Variants in PPARGC1A observed in about 807,000 individuals in gnomAD.
The protein encoded by PPARGC1A is PPARG coactivator 1 alpha.
In PPARGC1A, 25 loss-of-function variants were observed where a neutral mutation model predicts 88.7. That is an observed-to-expected ratio of 0.28 (90% CI 0.21 to 0.39). PPARGC1A has a LOEUF of 0.39. PPARGC1A is among the 10% of genes least tolerant of loss of function. PPARGC1A has a pLI of 1.00. For synonymous variants in PPARGC1A, 363 were observed against 355.6 expected (o/e 1.02, Z -0.24); for missense variants, 880 against 968.7 (o/e 0.91, Z 1.22).
chr4:23,853,266 G>A (rs2148672951), intron 2 of PPARGC1A, among the ~76,000 whole-genome samples: 1 of 152,100 alleles, frequency 6.6e-6, no homozygotes, highest in South Asian at 2.1e-4. Flanking sequence ...TTTTAAAGGG[G>A]GAAAAGTGAG....
the PPARGC1A span, among the ~76,000 whole-genome samples, chr4:24,196,719 G>A: frequency 6.6e-6 from 1 of 152,172 alleles, no homozygotes; most frequent in Non-Finnish European, 1.5e-5. Flanking sequence ...TTCATTTGAT[G>A]GGAATCCTAG....
At chr4:24,280,144 TC>T in the PPARGC1A span, among the ~76,000 whole-genome samples, 1 of 152,226 alleles carries the variant, frequency 6.6e-6, no homozygotes, top group East Asian at 1.9e-4. Flanking sequence ...AGTGGAAGCG[TC>T]CCTTCTCATA....
At chr4:23,915,007 C>A in the PPARGC1A span, among the ~76,000 whole-genome samples, 1 of 152,170 alleles carries the variant, frequency 6.6e-6, no homozygotes, top group African/African-American at 2.4e-5. Context: ...CCACATCCAT[C>A]AACATTCATG....
chr4:23,947,082 C>T, the PPARGC1A span, among the ~76,000 whole-genome samples: 1 of 151,810 alleles, frequency 6.6e-6, no homozygotes, highest in Non-Finnish European at 1.5e-5. Flanking sequence ...TATCTACTGT[C>T]CCCCCACTGG....
the PPARGC1A span, among the ~76,000 whole-genome samples, chr4:24,333,208 C>T: frequency 1.3e-5 from 2 of 152,010 alleles, no homozygotes; most frequent in African/African-American, 4.8e-5. Context: ...TGTGCTGCTG[C>T]ACTCCAGCCT....
intron 10 of PPARGC1A, among the ~76,000 whole-genome samples, chr4:23,804,928 CT>C (rs57391738): frequency 3.3e-3 from 497 of 152,294 alleles, no homozygotes; most frequent in Non-Finnish European, 5.2e-3. Context: ...GAAAACTCTC[CT>C]TTCCAATTGT....
At chr4:24,064,156 T>G in the PPARGC1A span, among the ~76,000 whole-genome samples, 2 of 152,014 alleles carry the variant, frequency 1.3e-5, no homozygotes, top group Non-Finnish European at 2.9e-5. Context: ...TGACCAGAAA[T>G]GAAGCTGGTT....
the PPARGC1A span, among the ~76,000 whole-genome samples, chr4:23,984,116 C>T: frequency 1.3e-5 from 2 of 152,158 alleles, no homozygotes; most frequent in Admixed American, 1.3e-4. Flanking sequence ...ATTATGAGCT[C>T]CGTTATTAAT....
chr4:24,007,605 A>G, the PPARGC1A span, among the ~76,000 whole-genome samples: 1 of 152,156 alleles, frequency 6.6e-6, no homozygotes, highest in African/African-American at 2.4e-5. Flanking sequence ...TTAGGATCCA[A>G]AGGTTTTTTG....
chr4:24,215,158 C>T, the PPARGC1A span, among the ~76,000 whole-genome samples: 4 of 152,176 alleles, frequency 2.6e-5, no homozygotes, highest in Non-Finnish European at 5.9e-5. Context: ...CTGGCTGTCA[C>T]CTGGAAAGAG....
chr4:24,123,882 G>T, the PPARGC1A span, among the ~76,000 whole-genome samples: 2 of 142,112 alleles, frequency 1.4e-5, no homozygotes, highest in African/African-American at 2.7e-5. Context: ...CCTTTGCTAA[G>T]CTTGATTCCT....
At chr4:24,048,187 A>G in the PPARGC1A span, among the ~76,000 whole-genome samples, 10 of 152,230 alleles carry the variant, frequency 6.6e-5, no homozygotes, top group African/African-American at 2.2e-4. Context: ...TAATCCATTT[A>G]TCTTTTTCGT....
At chr4:23,980,344 G>A in the PPARGC1A span, among the ~76,000 whole-genome samples, 1 of 151,888 alleles carries the variant, frequency 6.6e-6, no homozygotes, top group Admixed American at 6.6e-5. Flanking sequence ...GGCACTCAAG[G>A]GTCCTGTCAT....
At chr4:24,274,243 AG>A in the PPARGC1A span, among the ~76,000 whole-genome samples, 1 of 152,082 alleles carries the variant, frequency 6.6e-6, no homozygotes, top group African/African-American at 2.4e-5. Flanking sequence ...TTTTAGGTAA[AG>A]TGTCACTGTT....
At chr4:24,076,522 T>C in the PPARGC1A span, among the ~76,000 whole-genome samples, 2 of 152,146 alleles carry the variant, frequency 1.3e-5, no homozygotes, top group African/African-American at 4.8e-5. Context: ...TCATTCAACA[T>C]GGAGATGTGG....
At chr4:24,136,473 A>G in the PPARGC1A span, among the ~76,000 whole-genome samples, 1 of 152,172 alleles carries the variant, frequency 6.6e-6, no homozygotes, top group Non-Finnish European at 1.5e-5. Context: ...TCCGAAAGTC[A>G]CGATCAGAGG....
intron 2 of PPARGC1A, among the ~76,000 whole-genome samples, chr4:23,873,932 A>G (rs1265377225): frequency 6.6e-6 from 1 of 152,196 alleles, no homozygotes; most frequent in African/African-American, 2.4e-5. Flanking sequence ...ATTAGCATTC[A>G]CCCGAGAAAA....
At chr4:23,967,939 A>G in the PPARGC1A span, among the ~76,000 whole-genome samples, 1 of 152,122 alleles carries the variant, frequency 6.6e-6, no homozygotes, top group African/African-American at 2.4e-5. Flanking sequence ...AAGCAAATTA[A>G]AGGAGGAGGA....
the PPARGC1A span, among the ~76,000 whole-genome samples, chr4:24,365,616 A>G: frequency 6.6e-6 from 1 of 152,154 alleles, no homozygotes. Context: ...CTTAAGCATC[A>G]CAGGTGCAGC....
Sources: allele counts gnomAD v4.1 joint callset (sites outside exome capture counted in the v4.1 genomes callset), GRCh38; gene constraint gnomAD v4.1.1; transcripts MANE v1.5; gene names NCBI Gene and HGNC (gene_info 2026-07-23, HGNC 2026-07-21).